The following CFAP54 variants were observed in gnomAD, a reference collection of about 807,000 sequenced individuals.
The protein encoded by CFAP54 is cilia and flagella associated protein 54.
A neutral mutation model predicts 370.4 loss-of-function variants in CFAP54; 290 were observed. That is an observed-to-expected ratio of 0.78 (90% CI 0.71 to 0.86). The LOEUF is 0.86. CFAP54 is among the 40% of genes least tolerant of loss of function. The pLI is 0.00. For synonymous variants in CFAP54, 1,206 were observed against 1,236.5 expected, an observed-to-expected ratio of 0.98 and a Z score of 0.52; for missense variants, 3,399 against 3,528.7, an observed-to-expected ratio of 0.96 and a Z score of 0.93.
intron 2 of CFAP54, among the ~76,000 whole-genome samples, chr12:96,502,659 A>G (rs146484790): frequency 6.6e-6 from 1 of 152,314 alleles, no homozygotes; most frequent in Admixed American, 6.5e-5. Context: ...GTAACTGGAC[A>G]GCCAGTTCAA....
In CFAP54 at chr12:96,621,875, G is replaced by GTTTTTTTTTTTTTTTTTTTTT. The variant is rs71068819; in HGVS notation, c.3771+166_3771+186dup. ...ATTATAGTAAAGAGCTTTTGGGTTT[G>GTTTTTTTTTTTTTTTTTTTTT]TTTTTTTTTTTTTTTTTTTTTTTTT... On this transcript the variant is annotated intron_variant, in intron 27 of 67. Coordinates refer to ENST00000524981, the MANE Select transcript of CFAP54 (RefSeq NM_001306084.2). 1.6e-4 allele frequency among the ~76,000 whole-genome samples: 8 copies of GTTTTTTTTTTTTTTTTTTTTT among 50,034 alleles called. 3 individuals carry two copies. The highest frequency in any genetic ancestry group is 2.0e-4 in the Non-Finnish European group (6 of 30,230). 32.8% of individuals were successfully genotyped at this position (50,034 alleles called of 152,430 possible).
At chr12:96,818,239 T>C (rs1295597662) in intron 65 of CFAP54, among the ~76,000 whole-genome samples, 1 of 152,240 alleles carries the variant, frequency 6.6e-6, no homozygotes, top group Non-Finnish European at 1.5e-5. Context: ...AAATCTATTA[T>C]TTAAACACTT....
intron 25 of CFAP54, among the ~76,000 whole-genome samples, chr12:96,597,121 T>C (rs955370522): frequency 6.6e-6 from 1 of 152,088 alleles, no homozygotes; most frequent in Admixed American, 6.6e-5. Flanking sequence ...TTAAGCAAGA[T>C]TAAAAACAAA....
At chr12:96,674,886 G>A (rs1355624541) in intron 39 of CFAP54, among the ~76,000 whole-genome samples, 1 of 152,180 alleles carries the variant, frequency 6.6e-6, no homozygotes, top group Non-Finnish European at 1.5e-5. Flanking sequence ...CTAGCCATAT[G>A]TAGAAAGCTG....
At chr12:96,746,973 TCAAC>T (rs1267139691) in intron 55 of CFAP54, among the ~76,000 whole-genome samples, 2 of 152,196 alleles carry the variant, frequency 1.3e-5, no homozygotes, top group African/African-American at 2.4e-5. Context: ...GTGATGTGCT[TCAAC>T]CCCCTTCTAA....
intron 65 of CFAP54, among the ~76,000 whole-genome samples, chr12:96,821,861 G>A (rs1187546294): frequency 6.6e-6 from 1 of 152,134 alleles, no homozygotes; most frequent in African/African-American, 2.4e-5. Context: ...AATTGGACAG[G>A]ATTTCATAGC....
chr12:96,733,542 G>T (rs1238969048), intron 50 of CFAP54, among the ~76,000 whole-genome samples: 3 of 139,044 alleles, frequency 2.2e-5, no homozygotes, highest in Non-Finnish European at 3.1e-5. Context: ...AATCCTGTGG[G>T]TTTTTTTTTT....
Position 96,855,790 on chromosome 12 carries a change from C to A in CFAP54, c.9172-5029C>A, listed in dbSNP as rs185874893. On this transcript the variant is annotated intron_variant, in intron 66 of 67. Coordinates refer to ENST00000524981, the MANE Select transcript of CFAP54 (RefSeq NM_001306084.2). ...TGCACAGTGCAAGCCGTCAGTGGAT[C>A]TACCCTTCTGGAGTCTGGAGGATGG... Among the ~76,000 whole-genome samples the A allele has an allele frequency of 1.1e-4, 16 of 152,316 alleles. No individual in the cohort carries two copies. In the East Asian group the frequency reaches 2.9e-3, roughly 28 times the overall value.
chr12:96,510,905 G>A (rs1157158107), intron 4 of CFAP54, among the ~76,000 whole-genome samples: 2 of 150,594 alleles, frequency 1.3e-5, no homozygotes, highest in African/African-American at 4.9e-5. Flanking sequence ...GGAGGTCACC[G>A]TGAGCTGAGA....
intron 17 of CFAP54, among the ~76,000 whole-genome samples, chr12:96,557,645 TTG>T (rs1285920422): frequency 6.6e-6 from 1 of 152,110 alleles, no homozygotes; most frequent in Admixed American, 6.6e-5. Flanking sequence ...AACATAATTT[TTG>T]TTTTAAAACA....
chr12:96,760,681 T>C (rs11108677), intron 58 of CFAP54, among the ~76,000 whole-genome samples: 55,111 of 151,858 alleles, frequency 0.36, 10,726 homozygotes, highest in East Asian at 0.58. Flanking sequence ...TACAGGCATG[T>C]ACCGCCATGC....
intron 13 of CFAP54, among the ~76,000 whole-genome samples, chr12:96,538,926 T>A (rs1189265870): frequency 1.3e-5 from 2 of 151,880 alleles, no homozygotes; most frequent in Non-Finnish European, 2.9e-5. Context: ...CAATTTTGTT[T>A]TATTTTTTGT....
At chr12:96,558,692 G>A (rs1274593333) in intron 17 of CFAP54, among the ~76,000 whole-genome samples, 1 of 152,000 alleles carries the variant, frequency 6.6e-6, no homozygotes. Flanking sequence ...AATGAAACTA[G>A]ACCCCTCTCT....
At chr12:96,846,840 C>G (rs903321718) in intron 66 of CFAP54, among the ~76,000 whole-genome samples, 4 of 152,092 alleles carry the variant, frequency 2.6e-5, no homozygotes, top group Non-Finnish European at 5.9e-5. Flanking sequence ...TTGCATAATA[C>G]CAGGTATGAC....
intron 17 of CFAP54, among the ~76,000 whole-genome samples, chr12:96,555,194 A>G (rs914430259): frequency 2.6e-5 from 4 of 152,038 alleles, no homozygotes; most frequent in Non-Finnish European, 4.4e-5. Context: ...AGGTTGATAC[A>G]TTTTGTAATA....
chr12:96,818,280 T>G (rs1303272931), intron 65 of CFAP54, among the ~76,000 whole-genome samples: 2 of 152,244 alleles, frequency 1.3e-5, no homozygotes, highest in Non-Finnish European at 2.9e-5. Flanking sequence ...GAAGAAAAAC[T>G]AGAAAATATA....
chr12:96,827,695 T>C (rs1250089592), intron 65 of CFAP54, among the ~76,000 whole-genome samples: 5 of 51,694 alleles, frequency 9.7e-5, no homozygotes, highest in Non-Finnish European at 2.1e-4. Flanking sequence ...TACATAGTAA[T>C]ATATTATATT....
chr12:96,751,410 T>C (rs1203675169), intron 55 of CFAP54, among the ~76,000 whole-genome samples: 1 of 152,174 alleles, frequency 6.6e-6, no homozygotes, highest in Non-Finnish European at 1.5e-5. Flanking sequence ...AAGTATTATT[T>C]TTATATATTA....
chr12:96,507,484 C>T (rs765667595), intron 4 of CFAP54, among the ~76,000 whole-genome samples: 11 of 151,796 alleles, frequency 7.2e-5, no homozygotes, highest in Non-Finnish European at 1.2e-4. Flanking sequence ...AAGTGACCTC[C>T]TCCTACTTTT....
Sources: gnomAD v4.1 joint callset for allele counts (sites outside exome capture counted in the v4.1 genomes callset) on GRCh38, gnomAD v4.1.1 for gene constraint, MANE v1.5 for transcripts, NCBI Gene and HGNC (gene_info 2026-07-23, HGNC 2026-07-21) for gene names.